The following GMDS variants were observed in gnomAD, a reference collection of about 807,000 sequenced individuals.
GMDS encodes GDP-mannose 4,6 dehydratase.
GMDS carries 20 observed loss-of-function variants against 49.9 expected under a neutral mutation model. That is an observed-to-expected ratio of 0.40 (90% confidence interval 0.28 to 0.58). The LOEUF is 0.58. Ranked by LOEUF, GMDS falls within the 20% of genes least tolerant of loss-of-function variation. The pLI is 0.42. For missense variants in GMDS, 362 were observed against 481.4 expected, an observed-to-expected ratio of 0.75 and a Z score of 2.32; for synonymous variants, 177 against 178.6, an observed-to-expected ratio of 0.99 and a Z score of 0.07.
chr6:2,044,818 T>G (rs1445215498), intron 4 of GMDS, among the ~76,000 whole-genome samples: 1 of 152,208 alleles, frequency 6.6e-6, no homozygotes, highest in East Asian at 1.9e-4. Context: ...AATATGTCTG[T>G]TAATGGTTCC....
chr6:1,954,079 T>C (rs754961736), intron 6 of GMDS, among the ~76,000 whole-genome samples: 6 of 152,196 alleles, frequency 3.9e-5, no homozygotes, highest in Non-Finnish European at 5.9e-5. Flanking sequence ...TATATCCACA[T>C]TTGTGGCAAA....
intron 7 of GMDS, among the ~76,000 whole-genome samples, chr6:1,810,433 C>T (rs941425591): frequency 5.3e-5 from 8 of 152,096 alleles, no homozygotes; most frequent in Admixed American, 5.2e-4. Flanking sequence ...CAGGTGTGTG[C>T]CACCACACCT....
intron 4 of GMDS, among the ~76,000 whole-genome samples, chr6:2,059,496 C>T (rs1415160221): frequency 6.7e-6 from 1 of 150,008 alleles, no homozygotes; most frequent in African/African-American, 2.5e-5. Flanking sequence ...ATCACGAGGT[C>T]AGGAGATCGA....
intron 9 of GMDS, among the ~76,000 whole-genome samples, chr6:1,669,336 C>A (rs1008991207): frequency 6.6e-6 from 1 of 151,876 alleles, no homozygotes; most frequent in Non-Finnish European, 1.5e-5. Context: ...TCAGGCTCCA[C>A]TACTCTGAGT....
In GMDS at chr6:2,191,239, G is replaced by A. The variant is rs994025372; in HGVS notation, c.102+54082C>T. ...CACTCCCGACCCGCTATCCGCTCCT[G>A]GAGGCACCCCCTGGGGAAGGGCCGC... On this transcript the variant is annotated intron_variant, in intron 1 of 10. Coordinates refer to ENST00000380815, the MANE Select transcript of GMDS (RefSeq NM_001500.4). This position sits in a 1 kb window ranked among gnomAD's most constrained non-coding sequence, Gnocchi z 4.6. Among the ~76,000 whole-genome samples the A allele has an allele frequency of 2.0e-5, 3 of 152,160 alleles. No individual in the cohort carries two copies. The highest frequency in any genetic ancestry group is 7.2e-5 in the African/African-American group (3 of 41,442).
intron 4 of GMDS, among the ~76,000 whole-genome samples, chr6:2,101,781 A>C (rs1169797898): frequency 2.6e-5 from 4 of 152,136 alleles, no homozygotes; most frequent in Non-Finnish European, 5.9e-5. Context: ...AACAATGGCC[A>C]CATGAGAAAA....
intron 9 of GMDS, among the ~76,000 whole-genome samples, chr6:1,639,392 A>G (rs78667679): frequency 0.011 from 1,622 of 152,328 alleles, 29 homozygotes; most frequent in African/African-American, 0.037. Context: ...GTTGTGAGGA[A>G]CGAGCAGAAG....
chr6:1,905,161 T>C (rs1212961155), intron 7 of GMDS, among the ~76,000 whole-genome samples: 1 of 152,248 alleles, frequency 6.6e-6, no homozygotes, highest in Non-Finnish European at 1.5e-5. Flanking sequence ...CGAGCACTTA[T>C]TCTCAGGGCA....
rs756363830 is a variant in GMDS at position 1,930,137 on chromosome 6, T to C, written c.737A>G (p.Lys246Arg). The C allele has an allele frequency of 1.2e-6, 2 of 1,613,288 alleles. No homozygotes were observed. Among genetic ancestry groups the C allele is most frequent in the South Asian group, 1.1e-5 (1 of 90,862 alleles). Residue 246 changes from lysine to arginine, a missense_variant, in exon 7 of 11, where the codon AAA becomes AGA. Lys to Arg is a conservative substitution (Grantham distance 26). Transcript: ENST00000380815. ...ECFSLGNLDAKRDWGHAKDYV... is the reference protein window; with the variant it reads ...ECFSLGNLDARRDWGHAKDYV... ...GTCCTTGGCATGGCCCCAATCTCGTTTGGCATCCAGATTTCCCAAACTGAA... is the reference window on the plus strand; with the variant it reads ...GTCCTTGGCATGGCCCCAATCTCGTCTGGCATCCAGATTTCCCAAACTGAA...
intron 1 of GMDS, among the ~76,000 whole-genome samples, chr6:2,202,294 C>T (rs1459896145): frequency 6.6e-6 from 1 of 150,946 alleles, no homozygotes; most frequent in African/African-American, 2.4e-5. Flanking sequence ...GTGAGGGCAG[C>T]ATGTTAGCAG....
chr6:2,044,357 T>C (rs57914518), intron 4 of GMDS, among the ~76,000 whole-genome samples: 3,664 of 152,224 alleles, frequency 0.024, 147 homozygotes, highest in African/African-American at 0.082. Flanking sequence ...GTGCTATGTA[T>C]ACACCGTGGA....
chr6:1,842,166 T>G (rs1757178276), intron 7 of GMDS, among the ~76,000 whole-genome samples: 1 of 152,234 alleles, frequency 6.6e-6, no homozygotes, highest in Admixed American at 6.5e-5. Context: ...CACCTCTTCC[T>G]AACTCTATTT....
At chr6:1,644,533 T>G (rs1229206977) in intron 9 of GMDS, among the ~76,000 whole-genome samples, 1 of 152,176 alleles carries the variant, frequency 6.6e-6, no homozygotes, top group Non-Finnish European at 1.5e-5. Context: ...CAGCTGAAAT[T>G]CTCTCCACTT....
Position 2,195,558 on chromosome 6 carries a change from G to C in GMDS, c.102+49763C>G, listed in dbSNP as rs1779240572. Among the ~76,000 whole-genome samples the C allele has an allele frequency of 2.6e-5, 4 of 152,156 alleles. No individual in the cohort carries two copies. In the South Asian group the frequency reaches 8.3e-4, roughly 32 times the overall value. On this transcript the variant is annotated intron_variant, in intron 1 of 10. Coordinates refer to ENST00000380815, the MANE Select transcript of GMDS (RefSeq NM_001500.4). ...GCTACAAAGCAACTTCCTTTTCAGG[G>C]GATAAAGTAAGTTTTTAAAAGCCTT...
intron 7 of GMDS, among the ~76,000 whole-genome samples, chr6:1,765,185 G>A (rs1768303881): frequency 6.6e-6 from 1 of 152,164 alleles, no homozygotes; most frequent in Non-Finnish European, 1.5e-5. Flanking sequence ...TGGAGATTGT[G>A]CTTTTTGGAA....
At chr6:1,774,904 G>A (rs1377479398) in intron 7 of GMDS, among the ~76,000 whole-genome samples, 2 of 152,174 alleles carry the variant, frequency 1.3e-5, no homozygotes, top group Non-Finnish European at 2.9e-5. Flanking sequence ...CAGAGGCAAG[G>A]CCAGGCTGAC....
intron 4 of GMDS, among the ~76,000 whole-genome samples, chr6:1,999,873 C>T (rs1391815960): frequency 8.4e-6 from 1 of 118,664 alleles, no homozygotes; most frequent in Non-Finnish European, 1.7e-5. Context: ...TTCAAAAATA[C>T]CAGTTTTATT....
intron 1 of GMDS, among the ~76,000 whole-genome samples, chr6:2,233,557 C>T (rs887408816): frequency 6.6e-6 from 1 of 152,218 alleles, no homozygotes; most frequent in African/African-American, 2.4e-5. Context: ...TGGTGGCTTA[C>T]ACCTGTAATC....
In GMDS at chr6:2,103,703, A is replaced by G. The variant is rs146318890; in HGVS notation, c.345+12068T>C. Among the ~76,000 whole-genome samples, 599 of 152,316 alleles carry G rather than the reference A, an allele frequency of 3.9e-3. 4 individuals carry two copies. The highest frequency in any genetic ancestry group is 0.013 in the African/African-American group (554 of 41,572). Reference sequence around the variant, plus strand: ...GATCCTCATGACTGTGATCTCACCAAATGCAATTCTAAAACTTGAAAATTA... The same window carrying G: ...GATCCTCATGACTGTGATCTCACCAGATGCAATTCTAAAACTTGAAAATTA... On this transcript the variant is annotated intron_variant, in intron 4 of 10. Coordinates refer to ENST00000380815, the MANE Select transcript of GMDS (RefSeq NM_001500.4).
Sources: allele counts gnomAD v4.1 joint callset (sites outside exome capture counted in the v4.1 genomes callset), GRCh38; gene constraint gnomAD v4.1.1; non-coding constraint Gnocchi (gnomAD v3.1); transcripts MANE v1.5; gene names NCBI Gene and HGNC (gene_info 2026-07-23, HGNC 2026-07-21).